The following GALNTL6 variants were observed in gnomAD, a reference collection of about 807,000 sequenced individuals.
GALNTL6 encodes the protein polypeptide N-acetylgalactosaminyltransferase like 6, also known as polypeptide N-acetylgalactosaminyltransferase-like 6.
In GALNTL6, 46 loss-of-function variants were observed where a neutral mutation model predicts 73.7. The observed-to-expected ratio is 0.62, with a 90% CI of 0.49 to 0.80. GALNTL6 has a LOEUF of 0.80. Among genes scored for constraint, GALNTL6 ranks in the 30% least tolerant of loss-of-function variants. GALNTL6 has a pLI of 0.00. For missense variants in GALNTL6, 604 were observed against 755.0 expected, an observed-to-expected ratio of 0.80 and a Z score of 2.34; for synonymous variants, 259 against 263.7, an observed-to-expected ratio of 0.98 and a Z score of 0.17.
rs529918397 is a variant in GALNTL6 at position 172,528,847 on chromosome 4, T to C, written c.553+180158T>C. Among the ~76,000 whole-genome samples the C allele has an allele frequency of 2.3e-4, 34 of 149,496 alleles. 1 individual carries two copies. The South Asian group carries it at 7.0e-3, about 31-fold the overall frequency. ...GTTCAATGTACTATGCCAGGCACTTTTGCATACATTATATTTTTCATCACA... is the reference window on the plus strand; with the variant it reads ...GTTCAATGTACTATGCCAGGCACTTCTGCATACATTATATTTTTCATCACA... On this transcript the variant is annotated intron_variant, in intron 5 of 12. Transcript: ENST00000506823.
intron 3 of GALNTL6, among the ~76,000 whole-genome samples, chr4:172,267,872 A>G (rs1397950621): frequency 1.3e-5 from 2 of 152,166 alleles, no homozygotes; most frequent in Non-Finnish European, 2.9e-5. Flanking sequence ...ACTGAAAGGC[A>G]TTTGGAAAAA....
At chr4:173,029,497 C>T (rs1753370512) in intron 12 of GALNTL6, among the ~76,000 whole-genome samples, 1 of 152,188 alleles carries the variant, frequency 6.6e-6, no homozygotes, top group Admixed American at 6.5e-5. Context: ...TCCCAGAACA[C>T]AATATTGTAA....
chr4:172,140,161 C>A (rs541386908), intron 2 of GALNTL6, among the ~76,000 whole-genome samples: 1 of 151,988 alleles, frequency 6.6e-6, no homozygotes, highest in South Asian at 2.1e-4. Context: ...TCAGAAAATT[C>A]GTTACATTTC....
chr4:172,852,421 C>A (rs1743878617), intron 7 of GALNTL6, among the ~76,000 whole-genome samples: 1 of 152,146 alleles, frequency 6.6e-6, no homozygotes, highest in African/African-American at 2.4e-5. Flanking sequence ...CTGCCCACAT[C>A]CCGTTGACTT....
At chr4:172,918,342 A>T (rs182104074) in intron 8 of GALNTL6, among the ~76,000 whole-genome samples, 1 of 152,266 alleles carries the variant, frequency 6.6e-6, no homozygotes, top group East Asian at 1.9e-4. Context: ...CATATGTAAC[A>T]AACTTCCACA....
chr4:172,803,628 G>A (rs1740788904), intron 5 of GALNTL6, among the ~76,000 whole-genome samples: 1 of 152,208 alleles, frequency 6.6e-6, no homozygotes, highest in African/African-American at 2.4e-5. Context: ...CACTCTTTGT[G>A]TGATGTTATA....
intron 8 of GALNTL6, among the ~76,000 whole-genome samples, chr4:172,889,649 T>A (rs1365503027): frequency 6.6e-6 from 1 of 152,154 alleles, no homozygotes; most frequent in Non-Finnish European, 1.5e-5. Flanking sequence ...CTGCTGAATT[T>A]GGTTTGCTTT....
At chr4:172,493,479 A>C (rs1316641321) in intron 5 of GALNTL6, among the ~76,000 whole-genome samples, 1 of 152,224 alleles carries the variant, frequency 6.6e-6, no homozygotes, top group African/African-American at 2.4e-5. Flanking sequence ...GACCAAATTC[A>C]TGAAGGTTAC....
chr4:172,264,545 A>G (rs1738370624), intron 3 of GALNTL6, among the ~76,000 whole-genome samples: 1 of 116,232 alleles, frequency 8.6e-6, no homozygotes, highest in Admixed American at 1.0e-4. Flanking sequence ...GGTTGGCATA[A>G]TATATGCCAA....
In GALNTL6 at chr4:172,242,040, A is replaced by G. The variant is rs1737452166; in HGVS notation, c.247+12276A>G. Among the ~76,000 whole-genome samples, 2 of 152,210 alleles carry G rather than the reference A, an allele frequency of 1.3e-5. 1 individual carries two copies. Among genetic ancestry groups the G allele is most frequent in the South Asian group, 4.1e-4 (2 of 4,832 alleles). On this transcript the variant is annotated intron_variant, in intron 3 of 12. Transcript: ENST00000506823. ...TTTTGATATTGATTCATTATTCAAT[A>G]TACATTGAGTATAATTATAGTAGCT...
chr4:172,206,524 A>G (rs2110914001), intron 2 of GALNTL6, among the ~76,000 whole-genome samples: 1 of 152,310 alleles, frequency 6.6e-6, no homozygotes, highest in African/African-American at 2.4e-5. Context: ...TGTTTCAGAT[A>G]ATGATAAGTG....
chr4:173,021,348 A>G, intron 11 of GALNTL6, 128 bp from the exon 12 acceptor site: 1 of 917,816 alleles, frequency 1.1e-6, no homozygotes, highest in Admixed American at 2.2e-5. Context: ...TTAGGCTGAG[A>G]CTTAGCTCTT....
chr4:172,423,063 G>C (rs1011451749), intron 5 of GALNTL6, among the ~76,000 whole-genome samples: 1 of 151,752 alleles, frequency 6.6e-6, no homozygotes, highest in Non-Finnish European at 1.5e-5. Flanking sequence ...TATAGAGGTA[G>C]ACACCAGGAA....
chr4:172,823,459 A>G (rs755566373), intron 7 of GALNTL6, among the ~76,000 whole-genome samples: 6 of 152,242 alleles, frequency 3.9e-5, no homozygotes, highest in Non-Finnish European at 8.8e-5. Flanking sequence ...TGTGCATAAA[A>G]GACACTCAAC....
intron 5 of GALNTL6, among the ~76,000 whole-genome samples, chr4:172,492,416 C>G (rs1343465316): frequency 6.6e-6 from 1 of 152,112 alleles, no homozygotes. Context: ...TGCACTGTCA[C>G]TCAGAGTAAG....
chr4:172,831,280 G>A (rs1245642954), intron 7 of GALNTL6, among the ~76,000 whole-genome samples: 2 of 150,680 alleles, frequency 1.3e-5, no homozygotes, highest in African/African-American at 2.4e-5. Flanking sequence ...AGCTAATGCA[G>A]AGTGGCCTAG....
At chr4:172,302,043 T>A (rs1739950079) in intron 3 of GALNTL6, among the ~76,000 whole-genome samples, 1 of 152,132 alleles carries the variant, frequency 6.6e-6, no homozygotes, top group South Asian at 2.1e-4. Flanking sequence ...AGCCGCTTTG[T>A]TTACCTACTC....
chr4:172,354,151 T>G (rs1742067021), intron 5 of GALNTL6, among the ~76,000 whole-genome samples: 1 of 152,132 alleles, frequency 6.6e-6, no homozygotes, highest in Non-Finnish European at 1.5e-5. Context: ...AGTGCTGGTA[T>G]TCCATCAGGT....
intron 5 of GALNTL6, among the ~76,000 whole-genome samples, chr4:172,485,504 G>T (rs1243871368): frequency 1.3e-5 from 2 of 151,938 alleles, no homozygotes; most frequent in African/African-American, 4.8e-5. Context: ...GCAATGTAAC[G>T]CATATTTTAG....
Sources: gnomAD v4.1 joint callset for allele counts (sites outside exome capture counted in the v4.1 genomes callset) on GRCh38, gnomAD v4.1.1 for gene constraint, MANE v1.5 for transcripts, NCBI Gene and HGNC (gene_info 2026-07-23, HGNC 2026-07-21) for gene names.